The following TBC1D1 variants were observed in gnomAD, a reference collection of about 807,000 sequenced individuals.
TBC1D1 encodes TBC1 domain family member 1, also known as TBC1 (tre-2/USP6, BUB2, cdc16) domain family, member 1.
A neutral mutation model predicts 125.6 loss-of-function variants in TBC1D1; 89 were observed. The observed-to-expected ratio is 0.71, with a 90% confidence interval of 0.60 to 0.85. The LOEUF is 0.85. Ranked by LOEUF, TBC1D1 falls within the 40% of genes least tolerant of loss-of-function variation. TBC1D1 has a pLI of 0.00. For synonymous variants in TBC1D1, 565 were observed against 564.1 expected (o/e 1.00, Z -0.02); for missense variants, 1,377 against 1,469.2 (o/e 0.94, Z 1.03).
In TBC1D1 at chr4:37,938,907, T is replaced by G. The variant is rs188497057; in HGVS notation, c.417+36395T>G. ...TCCATGGTGTATATGGGCCACACTT[T>G]CTTAATCCAGTCTATCATTGATGGA... On this transcript the variant is annotated intron_variant, in intron 2 of 19. Coordinates refer to ENST00000261439, the MANE Select transcript of TBC1D1 (RefSeq NM_015173.4). Among the ~76,000 whole-genome samples, 762 of 152,356 alleles carry G rather than the reference T, an allele frequency of 5.0e-3. 4 individuals carry two copies. The highest frequency in any genetic ancestry group is 6.3e-3 in the Non-Finnish European group (426 of 68,038).
At chr4:37,934,889 G>A (rs575285477) in intron 2 of TBC1D1, among the ~76,000 whole-genome samples, 23 of 152,302 alleles carry the variant, frequency 1.5e-4, no homozygotes, top group Admixed American at 7.8e-4. Context: ...CATGTTCACT[G>A]TGAGTTGGCT....
At position 38,035,682 on chromosome 4, in the gene TBC1D1, T is replaced by C. The variant is rs200266191; in HGVS notation, c.1397T>C (p.Ile466Thr). Residue 466 changes from isoleucine (I) to threonine (T), a missense_variant, in exon 8 of 20, where the codon ATT becomes ACT. Ile to Thr is a moderately conservative substitution (Grantham distance 89). Transcript: ENST00000261439. ...GAGAAACAGAAAGAACACATCCATATTGGGGAGATGAAGCAGGTATGGCAT... is the reference window on the plus strand; with the variant it reads ...GAGAAACAGAAAGAACACATCCATACTGGGGAGATGAAGCAGGTATGGCAT... The C allele has an allele frequency of 6.8e-6, 11 of 1,611,916 alleles. No individual in the cohort carries two copies. In the Admixed American group the frequency reaches 1.0e-4, roughly 15 times the overall value.
chr4:37,971,131 G>C (rs1285404823), intron 2 of TBC1D1, among the ~76,000 whole-genome samples: 1 of 152,122 alleles, frequency 6.6e-6, no homozygotes, highest in Non-Finnish European at 1.5e-5. Context: ...TCCCAGACCG[G>C]CCCCCCTGCC....
intron 12 of TBC1D1, among the ~76,000 whole-genome samples, chr4:38,083,289 C>G (rs976267135): frequency 1.1e-4 from 16 of 152,232 alleles, no homozygotes; most frequent in African/African-American, 3.4e-4. Context: ...ATTGACTAGA[C>G]CTTAAGCAAC....
At chr4:37,963,891 A>G (rs1396555924) in intron 2 of TBC1D1, among the ~76,000 whole-genome samples, 1 of 152,170 alleles carries the variant, frequency 6.6e-6, no homozygotes, top group Non-Finnish European at 1.5e-5. Flanking sequence ...GCTCATTTGT[A>G]CTTGGCATTT....
chr4:38,070,223 G>A (rs1754470111), intron 12 of TBC1D1, among the ~76,000 whole-genome samples: 1 of 152,236 alleles, frequency 6.6e-6, no homozygotes, highest in Non-Finnish European at 1.5e-5. Context: ...TTACTAAAGT[G>A]CTCAGATAGC....
Position 38,014,797 on chromosome 4 carries a change from T to C in TBC1D1, c.706T>C (p.Phe236Leu), listed in dbSNP as rs1178074892. The change falls in exon 3 of 20, where the codon TTC becomes CTC. Residue 236 changes from phenylalanine to leucine, a missense_variant. Coordinates refer to ENST00000261439, the MANE Select transcript of TBC1D1 (RefSeq NM_015173.4). This position sits in a 1 kb window ranked among gnomAD's most constrained non-coding sequence, Gnocchi z 5.1. ...TGTGCGCAGGCCCATGCGCAAGTCC[T>C]TCTCCCAGCCCGGCCTGCGCTCGCT... 1.3e-6 allele frequency: 2 copies of C among 1,489,092 alleles called. No individual in the cohort carries two copies. The highest frequency in any genetic ancestry group is 1.4e-5 in the African/African-American group (1 of 70,262). 92.2% of individuals were successfully genotyped at this position (1,489,092 alleles called of 1,614,324 possible). A position where few individuals can be genotyped will look rare whatever the true frequency, so the allele number is the denominator to read the frequency against.
intron 8 of TBC1D1, among the ~76,000 whole-genome samples, chr4:38,042,627 C>T (rs190836151): frequency 3.9e-4 from 59 of 152,268 alleles, no homozygotes; most frequent in Middle Eastern, 6.8e-3. Flanking sequence ...GTTCACTATA[C>T]GTCTTCAGGC....
chr4:38,020,700 G>C lies in TBC1D1; in HGVS notation c.1077+5G>C. On this transcript the variant is annotated splice_donor_5th_base_variant and intron_variant, in intron 5 of 19. Transcript: ENST00000261439. ...CAGTGCACAAATGAGGCTCTGGTGA[G>C]AGAGGACAAGCAATTCTTACCTTGG... 1 of 1,610,298 alleles carries C rather than the reference G, an allele frequency of 6.2e-7. No homozygotes were observed. Among genetic ancestry groups the C allele is most frequent in the Non-Finnish European group, 8.5e-7 (1 of 1,177,346 alleles).
In TBC1D1 at chr4:38,026,080, T is replaced by TAA. The variant is rs35440185; in HGVS notation, c.1211-1698_1211-1697dup. Among the ~76,000 whole-genome samples, 926 of 148,418 alleles carry TAA rather than the reference T, an allele frequency of 6.2e-3. 1 individual carries two copies. The highest frequency in any genetic ancestry group is 9.9e-3 in the African/African-American group (401 of 40,460). ...TCTTCAGGTGGGCATTGAGATTACT[T>TAA]AAAAAAAAAAAGGCCCATTTCTAAT... On this transcript the variant is annotated intron_variant, in intron 6 of 19. Coordinates refer to ENST00000261439, the MANE Select transcript of TBC1D1 (RefSeq NM_015173.4).
intron 1 of TBC1D1, among the ~76,000 whole-genome samples, chr4:37,898,289 G>C (rs1487108688): frequency 6.6e-6 from 1 of 152,136 alleles, no homozygotes; most frequent in Non-Finnish European, 1.5e-5. Flanking sequence ...GCTGATACAT[G>C]CCCTAAAACA....
intron 2 of TBC1D1, among the ~76,000 whole-genome samples, chr4:37,925,432 A>G (rs944138308): frequency 1.3e-5 from 2 of 152,218 alleles, no homozygotes; most frequent in Admixed American, 1.3e-4. Context: ...TATAAAAATG[A>G]TACGACTGGT....
In TBC1D1 at chr4:37,902,016, A is replaced by C. The variant is rs918460023; in HGVS notation, c.-80A>C. Reference sequence around the variant, plus strand: ...TTTCTCCCCCAGGTTTCTGCATATGAAGTGTGTAAAATAGATTGCTTGATC... The same window carrying C: ...TTTCTCCCCCAGGTTTCTGCATATGCAGTGTGTAAAATAGATTGCTTGATC... On this transcript the variant is annotated 5_prime_UTR_variant, in exon 2 of 20. Coordinates refer to ENST00000261439, the MANE Select transcript of TBC1D1 (RefSeq NM_015173.4). The C allele has an allele frequency of 5.7e-6, 8 of 1,403,776 alleles. No homozygotes were observed. The Admixed American group carries it at 1.2e-4, about 20-fold the overall frequency. 87.0% of individuals were successfully genotyped at this position (1,403,776 alleles called of 1,614,324 possible).
At position 38,133,187 on chromosome 4, in the gene TBC1D1, G is replaced by C. The variant is rs767538839; in HGVS notation, c.3236G>C (p.Arg1079Thr). The C allele has an allele frequency of 1.2e-6, 2 of 1,614,062 alleles. No individual in the cohort carries two copies. Among genetic ancestry groups the C allele is most frequent in the East Asian group, 4.5e-5 (2 of 44,894 alleles). Residue 1079 changes from arginine to threonine, a missense_variant, in exon 19 of 20, where the codon AGA becomes ACA. Physicochemically the swap from Arg to Thr is moderately conservative, Grantham distance 71. Transcript: ENST00000261439. ...TCCTCTCCTCTCAGTGACAACCAAA[G>C]AATGGATAAATTAGAGAAAACCAAC...
chr4:38,092,904 T>G (rs1467621098), intron 13 of TBC1D1, among the ~76,000 whole-genome samples: 4 of 152,066 alleles, frequency 2.6e-5, no homozygotes, highest in Admixed American at 2.0e-4. Context: ...ACTGGGACCA[T>G]GTAGACATAC....
chr4:37,918,144 T>C (rs1242142272), intron 2 of TBC1D1, among the ~76,000 whole-genome samples: 1 of 152,224 alleles, frequency 6.6e-6, no homozygotes, highest in African/African-American at 2.4e-5. Flanking sequence ...TCCATGTGAT[T>C]TCCATTCTCA....
chr4:37,962,153 G>A (rs77111707), intron 2 of TBC1D1, among the ~76,000 whole-genome samples: 11,226 of 152,224 alleles, frequency 0.074, 570 homozygotes, highest in Non-Finnish European at 0.1. Flanking sequence ...ATTCTGTGGT[G>A]GGCTGCTCCA....
At chr4:37,951,032 TG>T (rs1727752823) in intron 2 of TBC1D1, among the ~76,000 whole-genome samples, 1 of 152,166 alleles carries the variant, frequency 6.6e-6, no homozygotes, top group African/African-American at 2.4e-5. Flanking sequence ...CCACCAATGC[TG>T]GGATTACAGG....
At chr4:38,127,348 C>G (rs1764818377) in intron 18 of TBC1D1, among the ~76,000 whole-genome samples, 1 of 148,544 alleles carries the variant, frequency 6.7e-6, no homozygotes, top group Non-Finnish European at 1.5e-5. Context: ...CGCTATCTGG[C>G]TATTTGGAAG....
Sources: allele counts gnomAD v4.1 joint callset (sites outside exome capture counted in the v4.1 genomes callset), GRCh38; gene constraint gnomAD v4.1.1; non-coding constraint Gnocchi (gnomAD v3.1); transcripts MANE v1.5; gene names NCBI Gene and HGNC (gene_info 2026-07-23, HGNC 2026-07-21).